Variants in RIC1 observed in about 807,000 individuals in gnomAD.
RIC1 encodes the protein RIC1 partner of RAB6A GEF complex, also known as guanine nucleotide exchange factor subunit RIC1.
Under a neutral mutation model 169.0 loss-of-function variants are expected in RIC1, and 88 were observed. The observed-to-expected ratio is 0.52, with a 90% CI of 0.44 to 0.62. RIC1 has a LOEUF of 0.62. Ranked by LOEUF, RIC1 falls within the 20% of genes least tolerant of loss-of-function variation. RIC1 has a pLI of 0.00. For missense variants in RIC1, 1,877 were observed against 1,725.5 expected (o/e 1.09, Z -1.56); for synonymous variants, 790 against 601.5 (o/e 1.31, Z -4.59).
intron 21 of RIC1, among the ~76,000 whole-genome samples, chr9:5,766,645 A>G (rs1196103222): frequency 2.6e-5 from 4 of 152,166 alleles, no homozygotes; most frequent in East Asian, 1.9e-4. Context: ...ATACTCTCCA[A>G]TCTCATCAGG....
chr9:5,697,366 C>T (rs1001576152), intron 3 of RIC1, among the ~76,000 whole-genome samples: 3 of 152,128 alleles, frequency 2.0e-5, no homozygotes, highest in Non-Finnish European at 1.5e-5. Context: ...CCTGTGCTGC[C>T]TGCTGTCTCA....
At chr9:5,776,765 C>T (rs529169281), downstream of RIC1, among the ~76,000 whole-genome samples, 5 of 151,774 alleles carry the variant, frequency 3.3e-5, no homozygotes, top group Admixed American at 1.3e-4. Context: ...CAGCCCATGT[C>T]GATGACATGG....
At chr9:5,685,149 A>G (rs1305691561) in intron 2 of RIC1, among the ~76,000 whole-genome samples, 1 of 151,248 alleles carries the variant, frequency 6.6e-6, no homozygotes, top group Non-Finnish European at 1.5e-5. Flanking sequence ...ATGGAAGAAC[A>G]TTCCATGCTC....
chr9:5,725,833 G>A (rs1823940830), intron 6 of RIC1, among the ~76,000 whole-genome samples: 1 of 152,124 alleles, frequency 6.6e-6, no homozygotes, highest in African/African-American at 2.4e-5. Flanking sequence ...AGTCATTCAG[G>A]AGCAGGTTGT....
chr9:5,702,499 T>A (rs1280440246), intron 3 of RIC1, among the ~76,000 whole-genome samples: 2 of 144,976 alleles, frequency 1.4e-5, no homozygotes, highest in Non-Finnish European at 3.0e-5. Flanking sequence ...ACTTACACAC[T>A]TTTTTTTTGT....
chr9:5,721,663 G>C (rs1823598430), intron 6 of RIC1, among the ~76,000 whole-genome samples: 1 of 152,182 alleles, frequency 6.6e-6, no homozygotes, highest in African/African-American at 2.4e-5. Context: ...GCTTGAAAGT[G>C]GGTTTTCACT....
intron 4 of RIC1, among the ~76,000 whole-genome samples, chr9:5,714,276 C>T (rs1237258206): frequency 6.6e-6 from 1 of 152,108 alleles, no homozygotes; most frequent in Non-Finnish European, 1.5e-5. Context: ...TGAGTGATAA[C>T]AGTCCATATT....
chr9:5,646,656 C>A (rs1196602095), intron 1 of RIC1, among the ~76,000 whole-genome samples: 1 of 152,144 alleles, frequency 6.6e-6, no homozygotes, highest in Non-Finnish European at 1.5e-5. Context: ...TAAGTACCCA[C>A]TGTGATGTTC....
chr9:5,694,318 A>G (rs1318829621), intron 3 of RIC1, among the ~76,000 whole-genome samples: 2 of 149,652 alleles, frequency 1.3e-5, no homozygotes, highest in Non-Finnish European at 2.9e-5. Context: ...CTTTTTGCTA[A>G]TATGTTGTGA....
At chr9:5,755,805 C>T (rs1227960905) in intron 15 of RIC1, among the ~76,000 whole-genome samples, 2 of 152,064 alleles carry the variant, frequency 1.3e-5, no homozygotes, top group Non-Finnish European at 2.9e-5. Flanking sequence ...CCCCTGTAAT[C>T]CCAGCTACTT....
chr9:5,638,951 T>TA (rs1818104605), intron 1 of RIC1, among the ~76,000 whole-genome samples: 1 of 152,192 alleles, frequency 6.6e-6, no homozygotes, highest in South Asian at 2.1e-4. Flanking sequence ...GGTCTCTCTT[T>TA]ATTCTCCAGG....
chr9:5,691,817 C>A (rs1013180641), intron 3 of RIC1, among the ~76,000 whole-genome samples: 1 of 151,920 alleles, frequency 6.6e-6, no homozygotes, highest in African/African-American at 2.4e-5. Flanking sequence ...TTCCTGTGGG[C>A]ATGGTAGAGA....
chr9:5,664,276 C>T (rs1175909537), intron 2 of RIC1, among the ~76,000 whole-genome samples: 4 of 151,884 alleles, frequency 2.6e-5, no homozygotes, highest in South Asian at 2.1e-4. Flanking sequence ...AGCTGAGTGT[C>T]GTGGCGCATA....
intron 3 of RIC1, among the ~76,000 whole-genome samples, chr9:5,698,358 T>C (rs559150325): frequency 3.3e-5 from 5 of 152,356 alleles, no homozygotes; most frequent in East Asian, 3.9e-4. Flanking sequence ...CCCCGCTCAG[T>C]GTCCTGGGAA....
At chr9:5,753,310 C>A (rs527565346) in intron 13 of RIC1, 72 bp downstream of exon 13, 1 of 1,303,808 alleles carries the variant, frequency 7.7e-7, no homozygotes, top group Admixed American at 1.7e-5. Flanking sequence ...TGGGAAGAGC[C>A]CTTCAGTGGG....
At chr9:5,702,632 G>A (rs557396596) in intron 3 of RIC1, among the ~76,000 whole-genome samples, 6 of 152,102 alleles carry the variant, frequency 3.9e-5, no homozygotes, top group South Asian at 2.1e-4. Flanking sequence ...TCCGCCTCCC[G>A]GGTTGAAGCA....
At chr9:5,762,692 C>T (rs1826422866) in intron 18 of RIC1, 32 bp downstream of exon 18, 1 of 1,605,626 alleles carries the variant, frequency 6.2e-7, no homozygotes, top group Non-Finnish European at 8.5e-7. Context: ...TCTTTTCAAA[C>T]ATTAAGAAGG....
intron 1 of RIC1, among the ~76,000 whole-genome samples, chr9:5,635,013 A>G (rs1464170262): frequency 3.3e-5 from 5 of 152,078 alleles, no homozygotes; most frequent in African/African-American, 1.2e-4. Flanking sequence ...TTATTTTGAG[A>G]CAGGGTCTCA....
intron 3 of RIC1, among the ~76,000 whole-genome samples, chr9:5,711,264 C>T (rs184717573): frequency 6.6e-6 from 1 of 152,216 alleles, no homozygotes; most frequent in African/African-American, 2.4e-5. Context: ...GTACTTATCT[C>T]CCAGATTCAA....
Sources: allele counts gnomAD v4.1 joint callset (sites outside exome capture counted in the v4.1 genomes callset), GRCh38; gene constraint gnomAD v4.1.1; transcripts MANE v1.5; gene names NCBI Gene and HGNC (gene_info 2026-07-23, HGNC 2026-07-21).